The following TTBK2 variants were observed in gnomAD, a reference collection of about 807,000 sequenced individuals.
TTBK2 encodes tau-tubulin kinase 2.
TTBK2 carries 28 observed loss-of-function variants against 110.8 expected under a neutral mutation model. The observed-to-expected ratio is 0.25, with a 90% CI of 0.19 to 0.35. TTBK2 has a LOEUF of 0.35. TTBK2 is among the 10% of genes least tolerant of loss of function. TTBK2 has a pLI of 1.00. For missense variants in TTBK2, 1,369 were observed against 1,500.3 expected (o/e 0.91, Z 1.45); for synonymous variants, 532 against 527.3 (o/e 1.01, Z -0.12).
At chr15:42,788,718 T>G (rs1374130867) in intron 10 of TTBK2, among the ~76,000 whole-genome samples, 1 of 152,230 alleles carries the variant, frequency 6.6e-6, no homozygotes, top group African/African-American at 2.4e-5. Context: ...CTTTTCTATC[T>G]TTCTGATATA....
chr15:42,912,275 G>A (rs1010378323), intron 1 of TTBK2, among the ~76,000 whole-genome samples: 1 of 152,132 alleles, frequency 6.6e-6, no homozygotes, highest in Non-Finnish European at 1.5e-5. Context: ...TATAATGTAA[G>A]AGGAAAAAGA....
intron 7 of TTBK2, among the ~76,000 whole-genome samples, chr15:42,816,118 A>ATATATATATATG (rs1235814767): frequency 1.4e-4 from 15 of 104,146 alleles, no homozygotes; most frequent in African/African-American, 5.4e-4. Context: ...ATATATATAT[A>ATATATATATATG]TGTGTATATT....
chr15:42,811,917 C>A, intron 7 of TTBK2, 137 bp from the exon 8 acceptor site: 1 of 531,648 alleles, frequency 1.9e-6, no homozygotes. Context: ...ATATGATAAA[C>A]ATATATATAT....
chr15:42,772,355 C>G (rs1889715046), intron 13 of TTBK2, among the ~76,000 whole-genome samples: 1 of 152,072 alleles, frequency 6.6e-6, no homozygotes, highest in Admixed American at 6.5e-5. Flanking sequence ...CTGAGGCCTG[C>G]CAACAGTCAT....
At chr15:42,914,211 C>T (rs186782290) in intron 1 of TTBK2, among the ~76,000 whole-genome samples, 2 of 151,910 alleles carry the variant, frequency 1.3e-5, no homozygotes, top group Middle Eastern at 6.3e-3. Flanking sequence ...CTCATGACCT[C>T]GTGATCTGCC....
At chr15:42,798,719 T>A (rs1248527131) in intron 9 of TTBK2, among the ~76,000 whole-genome samples, 1 of 152,200 alleles carries the variant, frequency 6.6e-6, no homozygotes, top group Non-Finnish European at 1.5e-5. Flanking sequence ...TTGAGAAATA[T>A]GCTTATACTT....
upstream of TTBK2, among the ~76,000 whole-genome samples, chr15:42,920,977 G>GC (rs2031342190): frequency 6.6e-6 from 1 of 152,112 alleles, no homozygotes; most frequent in African/African-American, 2.4e-5. Context: ...AACCGTCTCC[G>GC]CCCCCCACCG....
rs564939081 is a variant in TTBK2, at chr15:42,906,811, C to T, written c.-68+13627G>A. On this transcript the variant is annotated intron_variant, in intron 1 of 14. Transcript: ENST00000267890. ...AGTTAACCAGAATATACAAGGAGTG[C>T]AAACAACTCAATAGCAAAAAAAATT... is the stretch of plus-strand genomic sequence containing the variant. Among the ~76,000 whole-genome samples, 14 of 151,970 alleles carry T rather than the reference C, an allele frequency of 9.2e-5. 2 individuals are homozygous for T. Among genetic ancestry groups the T allele is most frequent in the African/African-American group, 3.4e-4 (14 of 41,460 alleles).
chr15:42,907,440 G>C lies in TTBK2; in HGVS notation c.-68+12998C>G, dbSNP rs529342390. 1.2e-3 allele frequency among the ~76,000 whole-genome samples: 189 copies of C among 152,312 alleles called. 1 individual carries two copies. The highest frequency in any genetic ancestry group is 4.4e-3 in the African/African-American group (183 of 41,558). On this transcript the variant is annotated intron_variant, in intron 1 of 14. Coordinates refer to ENST00000267890, the MANE Select transcript of TTBK2 (RefSeq NM_173500.4). ...TGGAATCAACCTAAGTGTCTATCCAGATGAATGGATAAAGAAAATGTGGTA... is the reference window on the plus strand; with the variant it reads ...TGGAATCAACCTAAGTGTCTATCCACATGAATGGATAAAGAAAATGTGGTA...
rs201415783 is a variant in TTBK2 at position 42,808,695 on chromosome 15, T to TA, written c.822+1918dup. Among the ~76,000 whole-genome samples, 65 of 140,818 alleles carry TA rather than the reference T, an allele frequency of 4.6e-4. 1 individual carries two copies. The highest frequency in any genetic ancestry group is 2.8e-3 in the East Asian group (14 of 4,916). 92.4% of individuals were successfully genotyped at this position (140,818 alleles called of 152,430 possible). A position where few individuals can be genotyped will look rare whatever the true frequency, so the allele number is the denominator to read the frequency against. On this transcript the variant is annotated intron_variant, in intron 9 of 14. Transcript: ENST00000267890. ...AACCTCATCTCTGCTTTAAAAAAAATAAAAAAAAAAAGCCAGGCATGGTGC... is the reference window on the plus strand; with the variant it reads ...AACCTCATCTCTGCTTTAAAAAAAATAAAAAAAAAAAAGCCAGGCATGGTGC...
At chr15:42,770,349 T>C (rs1889616619) in intron 13 of TTBK2, among the ~76,000 whole-genome samples, 2 of 152,178 alleles carry the variant, frequency 1.3e-5, no homozygotes, top group African/African-American at 4.8e-5. Context: ...CTTTACTAGA[T>C]TGAAGACCCT....
intron 3 of TTBK2, among the ~76,000 whole-genome samples, chr15:42,867,681 C>T (rs1022465907): frequency 6.6e-6 from 1 of 152,142 alleles, no homozygotes; most frequent in African/African-American, 2.4e-5. Flanking sequence ...ACTGACAATA[C>T]CAAATGCTGG....
intron 3 of TTBK2, among the ~76,000 whole-genome samples, chr15:42,850,803 T>C (rs1480805505): frequency 6.6e-6 from 1 of 152,108 alleles, no homozygotes; most frequent in Non-Finnish European, 1.5e-5. Flanking sequence ...TTGAATCTTG[T>C]ATGACCTGTG....
At chr15:42,820,501 T>C (rs756447813) in intron 6 of TTBK2, among the ~76,000 whole-genome samples, 53 of 152,214 alleles carry the variant, frequency 3.5e-4, no homozygotes, top group Non-Finnish European at 6.2e-4. Context: ...ATATTCACTT[T>C]GTCTCACAAT....
chr15:42,915,094 A>T (rs2031006672), intron 1 of TTBK2, among the ~76,000 whole-genome samples: 1 of 152,258 alleles, frequency 6.6e-6, no homozygotes, highest in South Asian at 2.1e-4. Flanking sequence ...CCATGGTTTC[A>T]CTTTCTGCAG....
intron 1 of TTBK2, among the ~76,000 whole-genome samples, chr15:42,915,817 C>T (rs2031050701): frequency 6.6e-6 from 1 of 152,028 alleles, no homozygotes; most frequent in South Asian, 2.1e-4. Flanking sequence ...TGTGGTGGCA[C>T]ATGCCCGTAG....
intron 1 of TTBK2, among the ~76,000 whole-genome samples, chr15:42,884,904 C>A (rs1895184150): frequency 6.6e-6 from 1 of 152,058 alleles, no homozygotes; most frequent in South Asian, 2.1e-4. Context: ...TTTGTTTCCC[C>A]CCACCCTTAA....
In TTBK2 at chr15:42,794,643, C is replaced by T. The variant is rs1449548724; in HGVS notation, c.980+1G>A. Reference sequence around the variant, plus strand: ...CACCAAATGATCTGTTTAGGACATACCCAATTGCAGCAGGGGTCAAGCGAG... The same window carrying T: ...CACCAAATGATCTGTTTAGGACATATCCAATTGCAGCAGGGGTCAAGCGAG... On this transcript the variant is annotated splice_donor_variant, in intron 10 of 14. Coordinates refer to ENST00000267890, the MANE Select transcript of TTBK2 (RefSeq NM_173500.4). LOFTEE classifies it high-confidence loss of function. The T allele has an allele frequency of 6.2e-7, 1 of 1,613,894 alleles. No homozygotes were observed. The highest frequency in any genetic ancestry group is 8.5e-7 in the Non-Finnish European group (1 of 1,180,018).
At chr15:42,878,427 T>C in intron 2 of TTBK2, 122 bp downstream of exon 2, 6 of 1,532,440 alleles carry the variant, frequency 3.9e-6, no homozygotes, top group Non-Finnish European at 5.3e-6. Flanking sequence ...ATAAGTAATG[T>C]ATGTAATATT....
Sources: gnomAD v4.1 joint callset for allele counts (sites outside exome capture counted in the v4.1 genomes callset) on GRCh38, gnomAD v4.1.1 for gene constraint, MANE v1.5 for transcripts, NCBI Gene and HGNC (gene_info 2026-07-23, HGNC 2026-07-21) for gene names.